EPHA4: variants seen among roughly 807,000 people sequenced by gnomAD.
The protein encoded by EPHA4 is EPH receptor A4.
A neutral mutation model predicts 108.3 loss-of-function variants in EPHA4; 19 were observed. That is an observed-to-expected ratio of 0.18 (90% CI 0.12 to 0.26). The LOEUF is 0.26. Among genes scored for constraint, EPHA4 ranks in the 10% least tolerant of loss-of-function variants. The pLI is 1.00. For missense variants in EPHA4, 917 were observed against 1,254.0 expected, an observed-to-expected ratio of 0.73 and a Z score of 4.06; for synonymous variants, 449 against 455.5, an observed-to-expected ratio of 0.99 and a Z score of 0.18.
At chr2:221,525,371 G>A (rs970573706) in intron 3 of EPHA4, among the ~76,000 whole-genome samples, 6 of 152,164 alleles carry the variant, frequency 3.9e-5, no homozygotes, top group African/African-American at 7.2e-5. Context: ...GGAGGAAAAC[G>A]AGTTACCATA....
At chr2:221,566,932 G>A (rs60890025) in intron 2 of EPHA4, among the ~76,000 whole-genome samples, 5 of 25,162 alleles carry the variant, frequency 2.0e-4, no homozygotes, top group African/African-American at 8.5e-4. Context: ...GAAGGAGAAG[G>A]AGAAGGAGAA....
intron 4 of EPHA4, among the ~76,000 whole-genome samples, chr2:221,499,269 A>C (rs1692399913): frequency 6.7e-6 from 1 of 149,500 alleles, no homozygotes; most frequent in African/African-American, 2.4e-5. Context: ...TAAAATAGAA[A>C]CTAGGTGAGT....
At chr2:221,572,331 C>T, upstream of EPHA4, 1 of 1,302,520 alleles carries the variant, frequency 7.7e-7, no homozygotes, top group Non-Finnish European at 1.1e-6. Context: ...GGGCTGAAGA[C>T]ATTGCCAAGG....
chr2:221,508,161 A>G (rs192378333), intron 3 of EPHA4, among the ~76,000 whole-genome samples: 1 of 152,334 alleles, frequency 6.6e-6, no homozygotes, highest in Non-Finnish European at 1.5e-5. Flanking sequence ...GTTCATCTTA[A>G]ATAGGTTCAA....
In EPHA4 at chr2:221,430,030, T is replaced by C; in HGVS notation, c.2618A>G (p.Gln873Arg). The change falls in exon 15 of 18, where the codon CAG becomes CGG. Residue 873 changes from glutamine to arginine, a missense_variant. By Grantham distance (43) the Gln-to-Arg change is conservative. Transcript: ENST00000281821. ...KERSDRPKFGQIVNMLDKLIR... is the reference protein window; with the variant it reads ...KERSDRPKFGRIVNMLDKLIR... ...GAGTTTGTCCAACATGTTGACAATC[T>C]GCCCAAATTTAGGCCTGTCGCTCCT... 1 of 1,614,132 alleles carries C rather than the reference T, an allele frequency of 6.2e-7. No individual in the cohort carries two copies. The highest frequency in any genetic ancestry group is 8.5e-7 in the Non-Finnish European group (1 of 1,180,012).
At chr2:221,526,294 T>G (rs1693322216) in intron 3 of EPHA4, among the ~76,000 whole-genome samples, 1 of 151,920 alleles carries the variant, frequency 6.6e-6, no homozygotes, top group Admixed American at 6.6e-5. Context: ...AAACACATTA[T>G]CCCCATTTTA....
intron 5 of EPHA4, among the ~76,000 whole-genome samples, chr2:221,474,555 T>C (rs1444361163): frequency 6.6e-6 from 1 of 152,126 alleles, no homozygotes; most frequent in Non-Finnish European, 1.5e-5. Flanking sequence ...CTGAAGCTCA[T>C]TGTGTGCTTG....
In EPHA4 at chr2:221,429,649, A is replaced by G. The variant is rs183942806; in HGVS notation, c.2690+309T>C. 1.3e-4 allele frequency among the ~76,000 whole-genome samples: 20 copies of G among 152,322 alleles called. No homozygotes were observed. The East Asian group carries it at 3.5e-3, about 26-fold the overall frequency. On this transcript the variant is annotated intron_variant, in intron 15 of 17. Transcript: ENST00000281821. ...ACTGATCTGAACGTCTTCTAAAAGT[A>G]CATTTCACCCCTCTTCCTAAATTTC...
chr2:221,473,081 C>T (rs1328219083), intron 5 of EPHA4, among the ~76,000 whole-genome samples: 1 of 152,142 alleles, frequency 6.6e-6, no homozygotes, highest in East Asian at 1.9e-4. Context: ...AAGGGGTTCA[C>T]TAGGCAAGCG....
At chr2:221,453,176 T>C (rs1343686505) in intron 8 of EPHA4, among the ~76,000 whole-genome samples, 1 of 152,242 alleles carries the variant, frequency 6.6e-6, no homozygotes, top group African/African-American at 2.4e-5. Flanking sequence ...GCCTACTTTC[T>C]GCAGAGAAGT....
At chr2:221,443,667 T>C (rs1690502145) in intron 9 of EPHA4, 61 bp from the exon 10 acceptor site, 3 of 1,222,680 alleles carry the variant, frequency 2.5e-6, no homozygotes, top group Admixed American at 1.8e-5. Flanking sequence ...TAAACATAAA[T>C]AGTCTGGGTC....
At position 221,571,070 on chromosome 2, in the gene EPHA4, G is replaced by A. The variant is rs1559299403; in HGVS notation, c.91+1088C>T. 6.6e-6 allele frequency among the ~76,000 whole-genome samples: 1 copy of A among 151,936 alleles called. No individual in the cohort carries two copies. The highest frequency in any genetic ancestry group is 1.5e-5 in the Non-Finnish European group (1 of 67,978). On this transcript the variant is annotated intron_variant, in intron 1 of 17. Transcript: ENST00000281821. This position sits in a 1 kb window ranked among gnomAD's most constrained non-coding sequence, Gnocchi z 6.3. ...ACGCGCACACACTCAGGACATCTGCGCACAGACATACAATCCTCCGCGTCC... is the reference window on the plus strand; with the variant it reads ...ACGCGCACACACTCAGGACATCTGCACACAGACATACAATCCTCCGCGTCC...
intron 5 of EPHA4, among the ~76,000 whole-genome samples, chr2:221,461,847 A>C (rs1399999121): frequency 6.6e-6 from 1 of 152,174 alleles, no homozygotes; most frequent in Non-Finnish European, 1.5e-5. Context: ...CCCCTCTTCT[A>C]ATTCAAGTTC....
upstream of EPHA4, chr2:221,572,494 C>T (rs1363012738): frequency 3.9e-6 from 1 of 257,384 alleles, no homozygotes; most frequent in Non-Finnish European, 6.6e-6. Flanking sequence ...TCTCCCGGGG[C>T]TCTAGGGGGC....
At chr2:221,549,182 C>T (rs984479777) in intron 3 of EPHA4, among the ~76,000 whole-genome samples, 2 of 152,212 alleles carry the variant, frequency 1.3e-5, no homozygotes, top group African/African-American at 2.4e-5. Flanking sequence ...TCACACTCTA[C>T]TCTTGCCTAG....
rs966833745 is a variant in EPHA4 at position 221,571,838 on chromosome 2, T to A, written c.91+320A>T. ...GACGTGGTTCTTGTAATTTTTTTTTTAAATCCCGGCGTTGTCTCCCGTGCA... is the reference window on the plus strand; with the variant it reads ...GACGTGGTTCTTGTAATTTTTTTTTAAAATCCCGGCGTTGTCTCCCGTGCA... On this transcript the variant is annotated intron_variant, in intron 1 of 17. Coordinates refer to ENST00000281821, the MANE Select transcript of EPHA4 (RefSeq NM_004438.5). This position sits in a 1 kb window ranked among gnomAD's most constrained non-coding sequence, Gnocchi z 6.3. Among the ~76,000 whole-genome samples the A allele has an allele frequency of 6.6e-6, 1 of 152,108 alleles. No homozygotes were observed. The highest frequency in any genetic ancestry group is 1.5e-5 in the Non-Finnish European group (1 of 68,016).
intron 5 of EPHA4, among the ~76,000 whole-genome samples, chr2:221,481,738 T>C (rs553645562): frequency 6.6e-6 from 1 of 152,334 alleles, no homozygotes; most frequent in South Asian, 2.1e-4. Context: ...AAGATGTACA[T>C]GGAGGTTCTA....
intron 3 of EPHA4, among the ~76,000 whole-genome samples, chr2:221,518,498 C>G (rs1216206522): frequency 6.6e-6 from 1 of 152,162 alleles, no homozygotes; most frequent in African/African-American, 2.4e-5. Flanking sequence ...ATTTGGTAAC[C>G]TGTAACCTGT....
rs1254055622 is a variant in EPHA4, at chr2:221,501,073, G to T, written c.923C>A (p.Thr308Asn). The T allele has an allele frequency of 6.2e-7, 1 of 1,613,596 alleles. No individual in the cohort carries two copies. Among genetic ancestry groups the T allele is most frequent in the Non-Finnish European group, 8.5e-7 (1 of 1,179,720 alleles). Residue 308 changes from threonine (T) to asparagine (N), a missense_variant, in exon 4 of 18, where the codon ACC (threonine) becomes AAC (asparagine). Physicochemically the swap from Thr to Asn is moderately conservative, Grantham distance 65. This residue lies in a region of EPHA4 where 758 missense variants were observed against 1,076.7 expected (regional missense o/e 0.70). Coordinates refer to ENST00000281821, the MANE Select transcript of EPHA4 (RefSeq NM_004438.5). Reference sequence around the variant, plus strand: ...AGCTCTGAAAAAGCCTCGGTCACAGGTGCACGAGGTGGCTCCTTCCCAGAC... The same window carrying T: ...AGCTCTGAAAAAGCCTCGGTCACAGTTGCACGAGGTGGCTCCTTCCCAGAC... ...YSVWEGATSC[T>N]CDRGFFRADN...
Sources: gnomAD v4.1 joint callset for allele counts (sites outside exome capture counted in the v4.1 genomes callset) on GRCh38, gnomAD v4.1.1 for gene constraint, gnomAD v4.1.1 regional missense constraint, Gnocchi (gnomAD v3.1) non-coding constraint, MANE v1.5 for transcripts, NCBI Gene and HGNC (gene_info 2026-07-23, HGNC 2026-07-21) for gene names.